IRF2: variants seen among roughly 807,000 people sequenced by gnomAD.
IRF2 encodes interferon regulatory factor 2.
IRF2 carries 15 observed loss-of-function variants against 40.6 expected under a neutral mutation model. The ratio of observed to expected loss-of-function variants is 0.37; its 90% CI spans 0.25 to 0.57. The LOEUF is 0.57. IRF2 is among the 20% of genes least tolerant of loss of function. IRF2 has a pLI of 0.77. For missense variants in IRF2, 317 were observed against 455.7 expected (o/e 0.70, Z 2.77); for synonymous variants, 151 against 165.5 (o/e 0.91, Z 0.67).
At chr4:184,430,645 T>C (rs989818075) in intron 1 of IRF2, among the ~76,000 whole-genome samples, 2 of 152,234 alleles carry the variant, frequency 1.3e-5, no homozygotes, top group Non-Finnish European at 2.9e-5. Context: ...CTCAGCTGTG[T>C]ATAGTCCACT....
chr4:184,431,321 C>A (rs1012578857), intron 1 of IRF2, among the ~76,000 whole-genome samples: 2 of 152,326 alleles, frequency 1.3e-5, no homozygotes, highest in African/African-American at 4.8e-5. Context: ...AATGATGCTC[C>A]AGGAACAGGG....
At chr4:184,411,183 A>G (rs1329447978) in intron 5 of IRF2, among the ~76,000 whole-genome samples, 12 of 151,398 alleles carry the variant, frequency 7.9e-5, no homozygotes, top group Admixed American at 7.9e-4. Context: ...TCAGCCTCCC[A>G]AGTAGCTGGG....
intron 1 of IRF2, among the ~76,000 whole-genome samples, chr4:184,438,479 C>T (rs1176863691): frequency 6.6e-6 from 1 of 152,178 alleles, no homozygotes; most frequent in Non-Finnish European, 1.5e-5. Context: ...TTTAATGTCA[C>T]ATTATATTAT....
intron 1 of IRF2, among the ~76,000 whole-genome samples, chr4:184,450,655 A>G (rs1738681911): frequency 6.6e-6 from 1 of 152,228 alleles, no homozygotes; most frequent in Non-Finnish European, 1.5e-5. Flanking sequence ...TACATAAAAT[A>G]CTTATAAAAT....
At chr4:184,435,501 A>G (rs959313906) in intron 1 of IRF2, among the ~76,000 whole-genome samples, 13 of 152,236 alleles carry the variant, frequency 8.5e-5, no homozygotes, top group African/African-American at 3.1e-4. Context: ...ACTAAGAAAC[A>G]TGGACAAAAT....
intron 7 of IRF2, among the ~76,000 whole-genome samples, chr4:184,391,027 C>T (rs793773): frequency 0.23 from 34,249 of 152,164 alleles, 4,279 homozygotes; most frequent in African/African-American, 0.33. Flanking sequence ...GTCCCTGGGG[C>T]CCTCCTCACT....
At chr4:184,418,346 T>C in intron 4 of IRF2, 133 bp from the exon 5 acceptor site, 1 of 965,018 alleles carries the variant, frequency 1.0e-6, no homozygotes, top group South Asian at 1.4e-5. Context: ...AAATTCCACA[T>C]GTATCTTTCA....
intron 1 of IRF2, among the ~76,000 whole-genome samples, chr4:184,441,076 T>C (rs543741414): frequency 6.6e-6 from 1 of 152,318 alleles, no homozygotes; most frequent in Non-Finnish European, 1.5e-5. Context: ...CCCCCTTCCC[T>C]TGAAGTCATA....
Position 184,446,976 on chromosome 4 carries a change from G to T in IRF2, c.-6-17906C>A, listed in dbSNP as rs74760309. 8.3e-4 allele frequency among the ~76,000 whole-genome samples: 126 copies of T among 152,122 alleles called. 4 individuals carry two copies. In the East Asian group the frequency reaches 0.024, roughly 29 times the overall value. On this transcript the variant is annotated intron_variant, in intron 1 of 8. Transcript: ENST00000393593. ...GTCTCAAAAAAAACAAAAAAAGCAT[G>T]CATATGTGTAAGTATATATGCAACT...
At chr4:184,466,122 C>T (rs898207722) in intron 1 of IRF2, among the ~76,000 whole-genome samples, 2 of 150,552 alleles carry the variant, frequency 1.3e-5, no homozygotes, top group Non-Finnish European at 2.9e-5. Flanking sequence ...GCGATCTCGG[C>T]TCACTGCAAC....
In IRF2 at chr4:184,408,426, C is replaced by T; in HGVS notation, c.412-151G>A. The T allele has an allele frequency of 3.0e-6, 2 of 657,614 alleles. No individual in the cohort carries two copies. Among genetic ancestry groups the T allele is most frequent in the Non-Finnish European group, 5.4e-6 (2 of 369,386 alleles). The allele number at this position is 657,614 out of a possible 1,614,324, so 40.7% of individuals were successfully genotyped here. On this transcript the variant is annotated intron_variant, in intron 5 of 8. Transcript: ENST00000393593. This position sits in a 1 kb window ranked among gnomAD's most constrained non-coding sequence, Gnocchi z 4.9. ...TTCATCCCCTGCTTCTTTAAACTGGCCTGTTTTAAAGCACATTTCTGCCCA... is the reference window on the plus strand; with the variant it reads ...TTCATCCCCTGCTTCTTTAAACTGGTCTGTTTTAAAGCACATTTCTGCCCA...
chr4:184,419,825 G>T (rs867874578), intron 2 of IRF2, among the ~76,000 whole-genome samples: 16 of 152,182 alleles, frequency 1.1e-4, no homozygotes, highest in Non-Finnish European at 1.5e-4. Flanking sequence ...CAAAGGTGAT[G>T]ATTTGACCTT....
chr4:184,388,945 A>G lies in IRF2; in HGVS notation c.863T>C (p.Leu288Pro), dbSNP rs962359141. ...GCTCTCCTCTTTGATGGTGACCTGG[A>G]GGTCCGGTTTGTTGGAAGTGACGAA... ...ASFVTSNKPD[L>P]QVTIKEESNP... The change falls in exon 9 of 9, where the codon CTC (leucine) becomes CCC (proline). Residue 288 changes from leucine (L) to proline (P), a missense_variant. Leu to Pro is a moderately conservative substitution (Grantham distance 98). Around this residue, in one of 2 missense-constraint regions of IRF2, gnomAD observed 262 missense variants for 334.0 expected, o/e 0.78. Coordinates refer to ENST00000393593, the MANE Select transcript of IRF2 (RefSeq NM_002199.4). This position sits in a 1 kb window ranked among gnomAD's most constrained non-coding sequence, Gnocchi z 4.6. 1 of 1,613,982 alleles carries G rather than the reference A, an allele frequency of 6.2e-7. No homozygotes were observed. The highest frequency in any genetic ancestry group is 8.5e-7 in the Non-Finnish European group (1 of 1,180,020).
intron 1 of IRF2, among the ~76,000 whole-genome samples, chr4:184,433,584 C>T (rs1371558114): frequency 6.6e-6 from 1 of 152,158 alleles, no homozygotes; most frequent in Non-Finnish European, 1.5e-5. Context: ...AGCAAAAAAT[C>T]GAACAAGTAT....
chr4:184,392,163 G>A (rs1487614305), intron 7 of IRF2, among the ~76,000 whole-genome samples: 1 of 152,224 alleles, frequency 6.6e-6, no homozygotes, highest in African/African-American at 2.4e-5. Context: ...CAATCACAGA[G>A]GGCAGAGCCT....
chr4:184,435,291 G>C (rs1326369472), intron 1 of IRF2, among the ~76,000 whole-genome samples: 1 of 152,118 alleles, frequency 6.6e-6, no homozygotes, highest in East Asian at 1.9e-4. Context: ...TACTTACTGA[G>C]ACTTTCCAAA....
chr4:184,421,375 A>G (rs2149901292), intron 2 of IRF2, among the ~76,000 whole-genome samples: 1 of 152,308 alleles, frequency 6.6e-6, no homozygotes, highest in Middle Eastern at 3.4e-3. Flanking sequence ...ATCCACAGAG[A>G]GGGCTTCGGG....
intron 7 of IRF2, among the ~76,000 whole-genome samples, chr4:184,393,163 CA>C (rs1474005307): frequency 6.6e-6 from 1 of 152,194 alleles, no homozygotes; most frequent in Non-Finnish European, 1.5e-5. Context: ...AGAAACTTGC[CA>C]AAGTTGCCAA....
intron 1 of IRF2, among the ~76,000 whole-genome samples, chr4:184,451,199 A>G (rs761993538): frequency 1.3e-5 from 2 of 152,244 alleles, no homozygotes; most frequent in Non-Finnish European, 2.9e-5. Flanking sequence ...GAAACTCTAA[A>G]GGTAAAGAGG....
Sources: allele counts gnomAD v4.1 joint callset (sites outside exome capture counted in the v4.1 genomes callset), GRCh38; gene constraint gnomAD v4.1.1; regional missense constraint gnomAD v4.1.1; non-coding constraint Gnocchi (gnomAD v3.1); transcripts MANE v1.5; gene names NCBI Gene and HGNC (gene_info 2026-07-23, HGNC 2026-07-21).